TRPC6: variants seen among roughly 807,000 people sequenced by gnomAD.
TRPC6 encodes transient receptor potential cation channel subfamily C member 6, also known as short transient receptor potential channel 6.
A neutral mutation model predicts 90.7 loss-of-function variants in TRPC6; 55 were observed. The observed-to-expected ratio is 0.61, with a 90% CI of 0.49 to 0.76. The LOEUF (loss-of-function observed/expected upper bound fraction) is 0.76, where lower values mean the gene tolerates loss of function less well. Among genes scored for constraint, TRPC6 ranks in the 30% least tolerant of loss-of-function variants. The pLI, the probability that TRPC6 is intolerant of heterozygous loss-of-function variation, is 0.00. For synonymous variants in TRPC6, 393 were observed against 393.0 expected (o/e 1.00, Z 0.00); for missense variants, 989 against 1,122.7 (o/e 0.88, Z 1.70).
intron 1 of TRPC6, among the ~76,000 whole-genome samples, chr11:101,545,695 G>T (rs562081730): frequency 1.3e-5 from 2 of 152,256 alleles, no homozygotes; most frequent in South Asian, 2.1e-4. Context: ...TTATAATTTA[G>T]CTAACACATT....
intron 1 of TRPC6, among the ~76,000 whole-genome samples, chr11:101,541,706 G>T (rs926729935): frequency 5.3e-5 from 8 of 152,196 alleles, no homozygotes; most frequent in African/African-American, 1.9e-4. Context: ...GAACACCTTG[G>T]AGGATATCAG....
In TRPC6 at chr11:101,452,012, A is replaced by G. The variant is rs1245960526; in HGVS notation, c.*943T>C. 1 of 152,228 alleles carries G rather than the reference A, an allele frequency of 6.6e-6. No homozygotes were observed. The highest frequency in any genetic ancestry group is 2.4e-5 in the African/African-American group (1 of 41,472). 9.4% of individuals were successfully genotyped at this position (152,228 alleles called of 1,614,324 possible). On this transcript the variant is annotated 3_prime_UTR_variant, in exon 13 of 13. Transcript: ENST00000344327. ...GAAAATAACAGATAAGTATTTACAA[A>G]TTCTCACCTTATTTTTCCCCTTTAC...
At chr11:101,465,666 GT>G (rs1322103206) in intron 10 of TRPC6, among the ~76,000 whole-genome samples, 2 of 152,054 alleles carry the variant, frequency 1.3e-5, no homozygotes, top group African/African-American at 4.8e-5. Context: ...CTTTAAACTG[GT>G]TATTCTAGTT....
chr11:101,517,298 A>G (rs1305682042), intron 1 of TRPC6, among the ~76,000 whole-genome samples: 6 of 152,238 alleles, frequency 3.9e-5, no homozygotes, highest in South Asian at 2.1e-4. Context: ...GTGTTTTGGT[A>G]TAACATGAAA....
At chr11:101,524,389 C>T (rs1469763836) in intron 1 of TRPC6, among the ~76,000 whole-genome samples, 8 of 152,208 alleles carry the variant, frequency 5.3e-5, no homozygotes, top group Admixed American at 3.9e-4. Flanking sequence ...GCTGGGACTA[C>T]AGGCGCCTGC....
chr11:101,490,568 A>C (rs1460571470), intron 3 of TRPC6, among the ~76,000 whole-genome samples: 1 of 152,084 alleles, frequency 6.6e-6, no homozygotes, highest in Non-Finnish European at 1.5e-5. Flanking sequence ...TGATCCTCCC[A>C]CTGCAGTCTC....
chr11:101,484,768 A>AT (rs1859637568), intron 4 of TRPC6, among the ~76,000 whole-genome samples: 1 of 152,090 alleles, frequency 6.6e-6, no homozygotes, highest in Admixed American at 6.6e-5. Flanking sequence ...ACATCTTCCC[A>AT]TATACTTTAA....
chr11:101,491,653 G>T lies in TRPC6; in HGVS notation c.1031C>A (p.Ala344Asp), dbSNP rs201993968. ...CGTTTCAACATCCCCATTCAGAATG[G>T]CCTCGACTTCTTCAGTGTTTCTGCA... ...DLCRNTEEVEAILNGDVETLQ... is the reference protein window; with the variant it reads ...DLCRNTEEVEDILNGDVETLQ... Residue 344 changes from alanine to aspartate, a missense_variant, in exon 3 of 13, where the codon GCC becomes GAC. Transcript: ENST00000344327. 1.3e-4 allele frequency: 214 copies of T among 1,613,722 alleles called. No homozygotes were observed. The highest frequency in any genetic ancestry group is 1.7e-4 in the Non-Finnish European group (200 of 1,180,002).
chr11:101,490,735 C>T (rs1456212868), intron 3 of TRPC6, among the ~76,000 whole-genome samples: 2 of 152,334 alleles, frequency 1.3e-5, no homozygotes, highest in Middle Eastern at 6.8e-3. Context: ...GGATTACAGG[C>T]ATGAGCCATT....
chr11:101,485,725 G>A (rs1381391378), intron 4 of TRPC6, among the ~76,000 whole-genome samples: 1 of 152,112 alleles, frequency 6.6e-6, no homozygotes, highest in Non-Finnish European at 1.5e-5. Context: ...ACATCATACA[G>A]TAGAGCGTAA....
intron 2 of TRPC6, among the ~76,000 whole-genome samples, chr11:101,498,760 A>C (rs1471934318): frequency 3.9e-5 from 6 of 152,124 alleles, no homozygotes; most frequent in Admixed American, 3.3e-4. Context: ...GATAATTTTT[A>C]GGGAATCAAT....
chr11:101,462,991 C>A (rs1371977494), intron 10 of TRPC6, among the ~76,000 whole-genome samples: 1 of 152,064 alleles, frequency 6.6e-6, no homozygotes, highest in African/African-American at 2.4e-5. Flanking sequence ...CCATCAATAC[C>A]TAGTTTATTG....
intron 2 of TRPC6, among the ~76,000 whole-genome samples, chr11:101,494,900 C>T (rs774797747): frequency 1.1e-4 from 17 of 152,128 alleles, no homozygotes; most frequent in Admixed American, 3.9e-4. Context: ...CTTGGGAAAT[C>T]ATTTACAAAT....
intron 10 of TRPC6, among the ~76,000 whole-genome samples, chr11:101,459,072 G>A (rs1433262820): frequency 6.6e-6 from 1 of 152,162 alleles, no homozygotes; most frequent in East Asian, 1.9e-4. Context: ...ACAGTTTAAT[G>A]TATGTCGTAA....
chr11:101,491,838 T>A, intron 2 of TRPC6, 100 bp from the exon 3 acceptor site: 19 of 242,482 alleles, frequency 7.8e-5, no homozygotes, highest in Non-Finnish European at 1.0e-4. Context: ...GAAACATTCT[T>A]TTTTTTTTTT....
Position 101,491,723 on chromosome 11 carries a change from G to T in TRPC6, c.961C>A (p.Leu321Met). The T allele has an allele frequency of 6.2e-7, 1 of 1,604,796 alleles. No homozygotes were observed. Among genetic ancestry groups the T allele is most frequent in the Non-Finnish European group, 8.5e-7 (1 of 1,174,300 alleles). ...ACAAAGTCTTTGCACTGCATTGACA[G>T]TTTTTTGTAGTCATTCTAGGAAAAA... ...EKEFKNDYKKLSMQCKDFVVG... is the reference protein window; with the variant it reads ...EKEFKNDYKKMSMQCKDFVVG... Residue 321 changes from leucine to methionine, a missense_variant, in exon 3 of 13, where the codon CTG becomes ATG. Leu to Met is a conservative substitution (Grantham distance 15, BLOSUM62 2). Transcript: ENST00000344327.
At chr11:101,492,050 A>G (rs1380777442) in intron 2 of TRPC6, among the ~76,000 whole-genome samples, 1 of 151,892 alleles carries the variant, frequency 6.6e-6, no homozygotes, top group African/African-American at 2.4e-5. Flanking sequence ...CGTGTTAGCC[A>G]GGATGGTTTC....
chr11:101,565,549 A>C (rs780654898), intron 1 of TRPC6, among the ~76,000 whole-genome samples: 1 of 152,068 alleles, frequency 6.6e-6, no homozygotes, highest in Non-Finnish European at 1.5e-5. Flanking sequence ...GCTGTTCTTT[A>C]AGAAACAAAC....
At chr11:101,491,146 C>A (rs894589502) in intron 3 of TRPC6, among the ~76,000 whole-genome samples, 1 of 152,164 alleles carries the variant, frequency 6.6e-6, no homozygotes, top group East Asian at 1.9e-4. Context: ...CCTAGTGCAA[C>A]TGTTAATTAG....
Sources: allele counts gnomAD v4.1 joint callset (sites outside exome capture counted in the v4.1 genomes callset), GRCh38; gene constraint gnomAD v4.1.1; transcripts MANE v1.5; gene names NCBI Gene and HGNC (gene_info 2026-07-23, HGNC 2026-07-21).